The following PNLIPRP3 variants were observed in gnomAD, a reference collection of about 807,000 sequenced individuals.
PNLIPRP3 encodes pancreatic lipase related protein 3.
Under a neutral mutation model 52.8 loss-of-function variants are expected in PNLIPRP3, and 58 were observed. The ratio of observed to expected loss-of-function variants is 1.10; its 90% CI spans 0.89 to 1.37. The LOEUF (loss-of-function observed/expected upper bound fraction) is 1.37, where lower values mean the gene tolerates loss of function less well. PNLIPRP3 is among the 40% of genes most tolerant of loss of function. PNLIPRP3 has a pLI of 0.00. For synonymous variants in PNLIPRP3, 192 were observed against 185.0 expected (o/e 1.04, Z -0.31); for missense variants, 593 against 561.6 (o/e 1.06, Z -0.57).
At chr10:116,457,901 G>A (rs1846137930) in intron 5 of PNLIPRP3, among the ~76,000 whole-genome samples, 1 of 152,160 alleles carries the variant, frequency 6.6e-6, no homozygotes, top group South Asian at 2.1e-4. Flanking sequence ...AAGGTTTTCT[G>A]AATGTCCAAA....
At position 116,462,321 on chromosome 10, in the gene PNLIPRP3, TA is replaced by T. The variant is rs35097277; in HGVS notation, c.808+1033del. ...CATTACCCATAATATATAATAATAA[TA>T]ATATATATATATATGATGATATGAT... is the stretch of plus-strand genomic sequence containing the variant. On this transcript the variant is annotated intron_variant, in intron 7 of 11. Transcript: ENST00000369230. 5.3e-3 allele frequency among the ~76,000 whole-genome samples: 788 copies of T among 148,878 alleles called. 15 individuals carry two copies. The highest frequency in any genetic ancestry group is 9.6e-3 in the Admixed American group (142 of 14,856).
intron 2 of PNLIPRP3, among the ~76,000 whole-genome samples, chr10:116,442,782 T>A (rs1845876670): frequency 6.6e-6 from 1 of 152,140 alleles, no homozygotes; most frequent in African/African-American, 2.4e-5. Flanking sequence ...CCAGATGGCT[T>A]GAGCCCAGGA....
intron 4 of PNLIPRP3, among the ~76,000 whole-genome samples, chr10:116,449,647 C>T (rs185278045): frequency 1.3e-5 from 2 of 152,202 alleles, no homozygotes; most frequent in Admixed American, 1.3e-4. Flanking sequence ...TAGTAGGAGC[C>T]TTCATTATCT....
Position 116,443,174 on chromosome 10 carries a change from T to A in PNLIPRP3, c.324T>A (p.Asn108Lys), listed in dbSNP as rs761279170. Residue 108 changes from asparagine (N) to lysine (K), a missense_variant and splice_region_variant, in exon 3 of 12, where the codon AAT becomes AAA. Physicochemically the swap from Asn to Lys is moderately conservative, Grantham distance 94. Coordinates refer to ENST00000369230, the MANE Select transcript of PNLIPRP3 (RefSeq NM_001011709.3). ...GCAAATGGCAGAGAGACATGTGCAATGTATGACATGAATAAGCTCCTTTTT... is the reference window on the plus strand; with the variant it reads ...GCAAATGGCAGAGAGACATGTGCAAAGTATGACATGAATAAGCTCCTTTTT... Reference protein sequence around the residue: ...TDGKWQRDMCNVLLQLEDINC... With the variant: ...TDGKWQRDMCKVLLQLEDINC... 1.9e-6 allele frequency: 3 copies of A among 1,606,716 alleles called. No individual in the cohort carries two copies. The highest frequency in any genetic ancestry group is 1.3e-5 in the African/African-American group (1 of 74,684).
chr10:116,450,360 C>G (rs1039270625), intron 4 of PNLIPRP3, among the ~76,000 whole-genome samples: 4 of 152,102 alleles, frequency 2.6e-5, no homozygotes, highest in African/African-American at 9.7e-5. Flanking sequence ...AATTCTTCTT[C>G]CACTGTGGCA....
At chr10:116,472,764 A>G (rs1184496650) in intron 10 of PNLIPRP3, among the ~76,000 whole-genome samples, 1 of 152,120 alleles carries the variant, frequency 6.6e-6, no homozygotes, top group Non-Finnish European at 1.5e-5. Context: ...CATGTCTCCC[A>G]CCATTTGACT....
chr10:116,443,262 A>G, intron 3 of PNLIPRP3, 88 bp downstream of exon 3: 1 of 1,319,066 alleles, frequency 7.6e-7, no homozygotes, highest in Non-Finnish European at 1.0e-6. Flanking sequence ...ATGTATATTC[A>G]TGGAAATCTT....
chr10:116,471,938 G>A (rs1443039438), intron 10 of PNLIPRP3, 59 bp downstream of exon 10: 2 of 1,032,926 alleles, frequency 1.9e-6, no homozygotes, highest in South Asian at 1.5e-5. Context: ...AACACTAAGT[G>A]AGACTGGCTC....
chr10:116,466,422 A>G (rs564933073), intron 8 of PNLIPRP3, among the ~76,000 whole-genome samples: 1 of 152,240 alleles, frequency 6.6e-6, no homozygotes, highest in African/African-American at 2.4e-5. Context: ...TTTTTTGGCC[A>G]TTTGTTATGC....
chr10:116,441,771 A>G (rs1270536360), intron 2 of PNLIPRP3, among the ~76,000 whole-genome samples: 2 of 152,174 alleles, frequency 1.3e-5, no homozygotes, highest in African/African-American at 4.8e-5. Context: ...CTTTTTGGCA[A>G]GTTACTTGGC....
At chr10:116,447,202 TC>T (rs922116843) in intron 4 of PNLIPRP3, among the ~76,000 whole-genome samples, 2 of 152,098 alleles carry the variant, frequency 1.3e-5, no homozygotes, top group Non-Finnish European at 2.9e-5. Flanking sequence ...CTGTCTTGAC[TC>T]TCTTGGAAGT....
chr10:116,447,789 T>C (rs2133126432), intron 4 of PNLIPRP3, among the ~76,000 whole-genome samples: 1 of 151,914 alleles, frequency 6.6e-6, no homozygotes, highest in South Asian at 2.1e-4. Flanking sequence ...TACAAAAAAG[T>C]AGCTGGTCAT....
At chr10:116,431,852 T>C (rs989369620) in intron 1 of PNLIPRP3, among the ~76,000 whole-genome samples, 5 of 152,004 alleles carry the variant, frequency 3.3e-5, no homozygotes, top group African/African-American at 9.7e-5. Flanking sequence ...CCTTGCAGAG[T>C]CTTGTGCTTT....
At chr10:116,470,298 T>A (rs10749216) in intron 9 of PNLIPRP3, among the ~76,000 whole-genome samples, 1 of 152,040 alleles carries the variant, frequency 6.6e-6, no homozygotes, top group African/African-American at 2.4e-5. Flanking sequence ...TCACTCAGAC[T>A]GTAGTCAGTG....
chr10:116,469,075 C>T, intron 8 of PNLIPRP3, 110 bp from the exon 9 acceptor site: 1 of 1,138,738 alleles, frequency 8.8e-7, no homozygotes, highest in Non-Finnish European at 1.2e-6. Context: ...AAATGCATAT[C>T]CTTTATTTAG....
intron 11 of PNLIPRP3, 132 bp from the exon 12 acceptor site, chr10:116,476,958 T>A: frequency 8.4e-7 from 1 of 1,194,900 alleles, no homozygotes; most frequent in Non-Finnish European, 1.1e-6. Flanking sequence ...AGGGAAAAGT[T>A]AAGAAACCAA....
rs2133116220 is a variant in PNLIPRP3, at chr10:116,439,883, T to C, written c.204+3018T>C. The C allele has an allele frequency of 3.8e-6, 3 of 792,592 alleles. No homozygotes were observed. The South Asian group carries it at 4.0e-5, about 11-fold the overall frequency. The allele number at this position is 792,592 out of a possible 1,614,324, so 49.1% of individuals were successfully genotyped here. ...ATTTCATCAAATTTAGATTTCTCTT[T>C]CCCGGACATTATCTTCCACCTCTCA... On this transcript the variant is annotated intron_variant, in intron 2 of 11. Transcript: ENST00000369230.
In PNLIPRP3 at chr10:116,455,770, T is replaced by C; in HGVS notation, c.505T>C (p.Leu169=). The C allele has an allele frequency of 6.2e-7, 1 of 1,614,048 alleles. No individual in the cohort carries two copies. Among genetic ancestry groups the C allele is most frequent in the Non-Finnish European group, 8.5e-7 (1 of 1,179,982 alleles). ...TAAAGTGCACTTGATTGGCCACAGC[T>C]TGGGAGCACACCTGGCTGGGGAAGC... The part of the protein sequence containing the change: ...PSKVHLIGHS[L]GAHLAGEAGS... Residue 169 remains leucine (L), a synonymous_variant, in exon 5 of 12, where the codon TTG becomes CTG. Coordinates refer to ENST00000369230, the MANE Select transcript of PNLIPRP3 (RefSeq NM_001011709.3).
At chr10:116,428,275 T>C (rs2133104897) in intron 1 of PNLIPRP3, among the ~76,000 whole-genome samples, 1 of 152,224 alleles carries the variant, frequency 6.6e-6, no homozygotes, top group East Asian at 1.9e-4. Context: ...CAATGGAAAA[T>C]GCATCACTTA....
Sources: allele counts gnomAD v4.1 joint callset (sites outside exome capture counted in the v4.1 genomes callset), GRCh38; gene constraint gnomAD v4.1.1; transcripts MANE v1.5; gene names NCBI Gene and HGNC (gene_info 2026-07-23, HGNC 2026-07-21).